The following DCDC1 variants were observed in gnomAD, a reference collection of about 807,000 sequenced individuals.
DCDC1 encodes the protein doublecortin domain-containing protein 1.
In DCDC1, 200 loss-of-function variants were observed where a neutral mutation model predicts 178.3. That is an observed-to-expected ratio of 1.12 (90% CI 1.00 to 1.26). DCDC1 has a LOEUF of 1.26. DCDC1 is among the 50% of genes most tolerant of loss of function. The pLI, the probability that DCDC1 is intolerant of heterozygous loss-of-function variation, is 0.00. For synonymous variants in DCDC1, 690 were observed against 604.8 expected (o/e 1.14, Z -2.07); for missense variants, 1,983 against 1,749.2 (o/e 1.13, Z -2.38).
chr11:31,008,985 G>A (rs968870478), intron 20 of DCDC1, among the ~76,000 whole-genome samples: 1 of 152,012 alleles, frequency 6.6e-6, no homozygotes, highest in Non-Finnish European at 1.5e-5. Context: ...AAGCAAAGGT[G>A]GAAACGTCAA....
intron 1 of DCDC1, among the ~76,000 whole-genome samples, chr11:31,356,312 T>C (rs1268123902): frequency 1.3e-5 from 2 of 151,948 alleles, no homozygotes; most frequent in East Asian, 3.9e-4. Flanking sequence ...ACATGGAAAC[T>C]GAACAACCTG....
At chr11:31,123,504 C>T (rs1038891070) in intron 11 of DCDC1, among the ~76,000 whole-genome samples, 1 of 151,610 alleles carries the variant, frequency 6.6e-6, no homozygotes, top group South Asian at 2.1e-4. Flanking sequence ...GCACAGGAAA[C>T]CAATTAAGTC....
At chr11:31,007,730 C>T (rs548422402) in intron 20 of DCDC1, among the ~76,000 whole-genome samples, 28 of 149,276 alleles carry the variant, frequency 1.9e-4, no homozygotes, top group Non-Finnish European at 4.5e-5. Context: ...GTGGTGTGAT[C>T]TCGGCTCACT....
At chr11:31,055,930 A>G (rs1397703486) in intron 20 of DCDC1, among the ~76,000 whole-genome samples, 5 of 152,150 alleles carry the variant, frequency 3.3e-5, no homozygotes, top group Non-Finnish European at 7.4e-5. Context: ...GTGCACCAAA[A>G]TCTCACAAAT....
chr11:31,251,935 T>C (rs997395831), intron 8 of DCDC1, among the ~76,000 whole-genome samples: 1 of 152,016 alleles, frequency 6.6e-6, no homozygotes, highest in African/African-American at 2.4e-5. Context: ...GATAGAGAAG[T>C]TGGGAATGAA....
chr11:30,971,868 CA>C (rs1949822067), intron 20 of DCDC1, among the ~76,000 whole-genome samples: 1 of 152,036 alleles, frequency 6.6e-6, no homozygotes, highest in Non-Finnish European at 1.5e-5. Context: ...CTCAGCCTCC[CA>C]AAGTGCTGGG....
At chr11:30,971,970 C>A (rs1035556665) in intron 20 of DCDC1, among the ~76,000 whole-genome samples, 1 of 152,140 alleles carries the variant, frequency 6.6e-6, no homozygotes, top group African/African-American at 2.4e-5. Context: ...ACAAAGTCTA[C>A]ATTACATATG....
At chr11:30,949,895 C>T (rs1948309107) in intron 21 of DCDC1, among the ~76,000 whole-genome samples, 1 of 152,032 alleles carries the variant, frequency 6.6e-6, no homozygotes, top group African/African-American at 2.4e-5. Flanking sequence ...AGGAGAAATA[C>T]CTAATATAGA....
chr11:31,078,953 G>C (rs1957017986), intron 17 of DCDC1, among the ~76,000 whole-genome samples: 1 of 152,122 alleles, frequency 6.6e-6, no homozygotes. Context: ...GTGAGGAAAT[G>C]AAAAATCAAA....
chr11:31,212,674 G>A (rs138456736), intron 9 of DCDC1, among the ~76,000 whole-genome samples: 62 of 152,058 alleles, frequency 4.1e-4, no homozygotes, highest in Non-Finnish European at 7.5e-4. Flanking sequence ...GCAAGAAAAC[G>A]GTATATTAAT....
intron 20 of DCDC1, among the ~76,000 whole-genome samples, chr11:31,058,959 G>A (rs1192432093): frequency 2.6e-5 from 4 of 151,966 alleles, no homozygotes; most frequent in Admixed American, 2.6e-4. Context: ...ACTCTAGTTT[G>A]GGGGCTGCAA....
chr11:31,089,147 T>A (rs1957649402), intron 17 of DCDC1, among the ~76,000 whole-genome samples: 1 of 152,204 alleles, frequency 6.6e-6, no homozygotes, highest in Admixed American at 6.5e-5. Context: ...TTTGTGAATA[T>A]CTTAAGGTCT....
chr11:31,296,089 TCAGCCAGCCAGC>T (rs541393565), intron 6 of DCDC1, among the ~76,000 whole-genome samples: 1 of 151,976 alleles, frequency 6.6e-6, no homozygotes, highest in Admixed American at 6.6e-5. Flanking sequence ...AGTCAGTCAG[TCAGCCAGCCAGC>T]CAGCCAGCCA....
At chr11:30,965,338 A>C (rs1949363197) in intron 20 of DCDC1, among the ~76,000 whole-genome samples, 1 of 152,050 alleles carries the variant, frequency 6.6e-6, no homozygotes, top group South Asian at 2.1e-4. Context: ...ACCACAAAAG[A>C]AATATTGTGC....
chr11:30,968,796 G>T (rs1186801702), intron 20 of DCDC1, among the ~76,000 whole-genome samples: 1 of 142,124 alleles, frequency 7.0e-6, no homozygotes, highest in African/African-American at 2.6e-5. Context: ...TATAGGGAGG[G>T]ATTCTGCACA....
At chr11:31,197,620 T>C (rs866132628) in intron 9 of DCDC1, among the ~76,000 whole-genome samples, 3 of 152,202 alleles carry the variant, frequency 2.0e-5, no homozygotes, top group African/African-American at 4.8e-5. Context: ...TCAACCACCA[T>C]GCAAACTGAA....
At chr11:31,091,617 G>A in intron 16 of DCDC1, 106 bp from the exon 17 acceptor site, 1 of 627,770 alleles carries the variant, frequency 1.6e-6, no homozygotes, top group East Asian at 2.8e-5. Context: ...GATAACCCTG[G>A]ATATTAACAG....
chr11:31,172,886 T>A (rs1334545161), intron 9 of DCDC1, among the ~76,000 whole-genome samples: 1 of 152,130 alleles, frequency 6.6e-6, no homozygotes, highest in Non-Finnish European at 1.5e-5. Flanking sequence ...TTCAAACCCA[T>A]GTTCAAGGAT....
Position 30,906,445 on chromosome 11 carries a change from T to C in DCDC1, c.4104+95A>G, listed in dbSNP as rs1204712580. The C allele has an allele frequency of 2.3e-5, 29 of 1,250,482 alleles. 1 individual carries two copies. Among genetic ancestry groups the C allele is most frequent in the Non-Finnish European group, 3.1e-5 (28 of 908,570 alleles). The allele number at this position is 1,250,482 out of a possible 1,614,324, so 77.5% of individuals were successfully genotyped here. ...ATCTGAGGAAGATGAATTGGATGAG[T>C]GGAGATGAACTTGAGTGCAAGGCAG... On this transcript the variant is annotated intron_variant, in intron 30 of 38. Transcript: ENST00000684477.
Sources: allele counts gnomAD v4.1 joint callset (sites outside exome capture counted in the v4.1 genomes callset), GRCh38; gene constraint gnomAD v4.1.1; transcripts MANE v1.5; gene names NCBI Gene and HGNC (gene_info 2026-07-23, HGNC 2026-07-21).